TMEM117: variants seen among roughly 807,000 people sequenced by gnomAD.
TMEM117 encodes transmembrane protein 117.
In TMEM117, 27 loss-of-function variants were observed where a neutral mutation model predicts 52.4. The observed-to-expected ratio is 0.51, with a 90% CI of 0.38 to 0.71. TMEM117 has a LOEUF of 0.71. Among genes scored for constraint, TMEM117 ranks in the 30% least tolerant of loss-of-function variants. The pLI is 0.00. For synonymous variants in TMEM117, 215 were observed against 206.3 expected (o/e 1.04, Z -0.36); for missense variants, 556 against 630.5 (o/e 0.88, Z 1.26).
intron 3 of TMEM117, among the ~76,000 whole-genome samples, chr12:43,955,630 A>G (rs1945294275): frequency 6.6e-6 from 1 of 152,188 alleles, no homozygotes; most frequent in Non-Finnish European, 1.5e-5. Context: ...CGGTCAAGGA[A>G]ATCAGAAAGG....
At chr12:43,821,367 A>T in the TMEM117 span, among the ~76,000 whole-genome samples, 1 of 152,094 alleles carries the variant, frequency 6.6e-6, no homozygotes, top group African/African-American at 2.4e-5. Context: ...TGCAGCCTCA[A>T]CCTCTTGGGC....
intron 2 of TMEM117, among the ~76,000 whole-genome samples, chr12:43,917,114 T>C (rs749165692): frequency 9.4e-5 from 14 of 148,638 alleles, no homozygotes; most frequent in Non-Finnish European, 1.9e-4. Context: ...GTACTATGGC[T>C]GGGCAGAGTG....
intron 3 of TMEM117, among the ~76,000 whole-genome samples, chr12:43,954,113 A>G (rs1312803413): frequency 6.6e-6 from 1 of 152,240 alleles, no homozygotes; most frequent in Non-Finnish European, 1.5e-5. Flanking sequence ...CAAAAAGAGC[A>G]AAGAAACAAT....
At chr12:44,212,591 G>C (rs185221123) in intron 5 of TMEM117, among the ~76,000 whole-genome samples, 10 of 152,178 alleles carry the variant, frequency 6.6e-5, no homozygotes, top group Admixed American at 6.5e-4. Context: ...TGTAAAGAAG[G>C]AAAAATGTTT....
At chr12:43,882,238 T>C (rs1943910602) in intron 2 of TMEM117, among the ~76,000 whole-genome samples, 1 of 152,064 alleles carries the variant, frequency 6.6e-6, no homozygotes, top group Non-Finnish European at 1.5e-5. Context: ...GGCGGGCGGA[T>C]CACCTGAGGT....
chr12:43,803,813 A>G, the TMEM117 span, among the ~76,000 whole-genome samples: 2 of 152,172 alleles, frequency 1.3e-5, no homozygotes, highest in Admixed American at 6.5e-5. Context: ...TTGTGAAAGA[A>G]CAAGTTACTT....
At chr12:43,797,045 C>T in the TMEM117 span, 3 of 1,611,318 alleles carry the variant, frequency 1.9e-6, no homozygotes, top group Non-Finnish European at 2.5e-6. Context: ...AGCTAGAATA[C>T]AGCATCCGCT....
intron 3 of TMEM117, among the ~76,000 whole-genome samples, chr12:44,033,855 C>T (rs1022274656): frequency 3.9e-5 from 6 of 152,316 alleles, no homozygotes; most frequent in African/African-American, 1.2e-4. Context: ...TGCCACTGGA[C>T]GTTACTCATC....
At chr12:44,096,833 G>C (rs948520281) in intron 3 of TMEM117, among the ~76,000 whole-genome samples, 4 of 151,898 alleles carry the variant, frequency 2.6e-5, no homozygotes, top group African/African-American at 4.9e-5. Flanking sequence ...AACACCAAAA[G>C]CAATGGCAAC....
chr12:44,121,414 C>A (rs1406538109), intron 3 of TMEM117, among the ~76,000 whole-genome samples: 1 of 152,148 alleles, frequency 6.6e-6, no homozygotes, highest in Non-Finnish European at 1.5e-5. Flanking sequence ...AATGCCAACC[C>A]CTCCTCTTAT....
At chr12:43,800,282 C>T in the TMEM117 span, among the ~76,000 whole-genome samples, 1 of 152,100 alleles carries the variant, frequency 6.6e-6, no homozygotes, top group Non-Finnish European at 1.5e-5. Context: ...ATATTCATTA[C>T]AGCTAACTTT....
chr12:43,917,954 G>A (rs1177814050), intron 2 of TMEM117, among the ~76,000 whole-genome samples: 2 of 152,058 alleles, frequency 1.3e-5, no homozygotes. Flanking sequence ...TTGGTCTATG[G>A]CATTGAGTCA....
At chr12:44,243,527 A>G (rs571587177) in intron 5 of TMEM117, among the ~76,000 whole-genome samples, 1 of 152,034 alleles carries the variant, frequency 6.6e-6, no homozygotes, top group Admixed American at 6.6e-5. Context: ...ATATATATTT[A>G]TGAGGTACAA....
chr12:44,002,275 AT>A (rs1420726364), intron 3 of TMEM117, among the ~76,000 whole-genome samples: 1 of 152,206 alleles, frequency 6.6e-6, no homozygotes, highest in East Asian at 1.9e-4. Flanking sequence ...AAGAAATAAA[AT>A]TAGAATAACC....
chr12:43,829,273 A>G, the TMEM117 span, among the ~76,000 whole-genome samples: 2 of 152,206 alleles, frequency 1.3e-5, no homozygotes, highest in Admixed American at 6.5e-5. Context: ...GGTCAGTACA[A>G]TGCATTTAGC....
At chr12:44,205,749 G>GA (rs1286814869) in intron 4 of TMEM117, among the ~76,000 whole-genome samples, 1 of 151,770 alleles carries the variant, frequency 6.6e-6, no homozygotes, top group East Asian at 1.9e-4. Flanking sequence ...CTATTAAAAA[G>GA]AAAAAAAATG....
chr12:44,352,221 A>T (rs1951572646), intron 6 of TMEM117, among the ~76,000 whole-genome samples: 1 of 152,046 alleles, frequency 6.6e-6, no homozygotes, highest in Non-Finnish European at 1.5e-5. Flanking sequence ...TACCCCATAA[A>T]TATATACACC....
At chr12:43,967,754 G>A (rs1945509690) in intron 3 of TMEM117, among the ~76,000 whole-genome samples, 1 of 152,186 alleles carries the variant, frequency 6.6e-6, no homozygotes, top group African/African-American at 2.4e-5. Flanking sequence ...CACAGAAACT[G>A]AGATAATGAA....
intron 2 of TMEM117, among the ~76,000 whole-genome samples, chr12:43,866,873 C>T (rs1008778916): frequency 6.6e-6 from 1 of 152,114 alleles, no homozygotes; most frequent in Non-Finnish European, 1.5e-5. Context: ...GGTGGATCAC[C>T]TGAGGTCGGG....
Sources: gnomAD v4.1 joint callset for allele counts (sites outside exome capture counted in the v4.1 genomes callset) on GRCh38, gnomAD v4.1.1 for gene constraint, MANE v1.5 for transcripts, NCBI Gene and HGNC (gene_info 2026-07-23, HGNC 2026-07-21) for gene names.